NRXN3: variants seen among roughly 807,000 people sequenced by gnomAD.
NRXN3 encodes the protein neurexin III.
Under a neutral mutation model 137.6 loss-of-function variants are expected in NRXN3, and 32 were observed. The observed-to-expected ratio is 0.23, with a 90% CI of 0.18 to 0.31. NRXN3 has a LOEUF of 0.31. Ranked by LOEUF, NRXN3 falls within the 10% of genes least tolerant of loss-of-function variation. The pLI is 1.00. For missense variants in NRXN3, 1,574 were observed against 2,062.5 expected (o/e 0.76, Z 4.59); for synonymous variants, 798 against 784.5 (o/e 1.02, Z -0.29).
intron 10 of NRXN3, among the ~76,000 whole-genome samples, chr14:78,918,010 G>A (rs930746034): frequency 2.1e-5 from 3 of 144,422 alleles, no homozygotes; most frequent in Non-Finnish European, 4.6e-5. Context: ...AAAAGGCCAG[G>A]CATGGTAGCT....
chr14:79,208,482 C>G (rs1212098900), intron 15 of NRXN3, among the ~76,000 whole-genome samples: 1 of 152,144 alleles, frequency 6.6e-6, no homozygotes, highest in African/African-American at 2.4e-5. Flanking sequence ...CTTCTTTTAG[C>G]AAAGAATATT....
chr14:78,196,129 C>G (rs938221340), intron 1 of NRXN3, among the ~76,000 whole-genome samples: 1 of 152,232 alleles, frequency 6.6e-6, no homozygotes, highest in Non-Finnish European at 1.5e-5. Flanking sequence ...CCCACGTCAC[C>G]CAGCCAGAAA....
intron 15 of NRXN3, among the ~76,000 whole-genome samples, chr14:79,324,830 G>A (rs1353769505): frequency 6.6e-6 from 1 of 152,096 alleles, no homozygotes; most frequent in Non-Finnish European, 1.5e-5. Flanking sequence ...GTATGTGTGT[G>A]TATATATGTA....
chr14:79,280,016 C>T (rs1394924923), intron 15 of NRXN3: 1 of 1,232,654 alleles, frequency 8.1e-7, no homozygotes, highest in Non-Finnish European at 1.0e-6. Flanking sequence ...GCCGGGGCTC[C>T]GTAGGAGGTT....
chr14:78,378,584 A>G (rs1455251868), intron 4 of NRXN3, among the ~76,000 whole-genome samples: 3 of 152,206 alleles, frequency 2.0e-5, no homozygotes, highest in Non-Finnish European at 4.4e-5. Context: ...AAAGACAGTT[A>G]TGTAGCTAAA....
intron 4 of NRXN3, among the ~76,000 whole-genome samples, chr14:78,390,944 C>T (rs1369428889): frequency 6.6e-6 from 1 of 152,128 alleles, no homozygotes; most frequent in Non-Finnish European, 1.5e-5. Flanking sequence ...ACCTCCATCC[C>T]CCGACAGGCC....
intron 4 of NRXN3, among the ~76,000 whole-genome samples, chr14:78,614,538 A>G (rs77727402): frequency 0.012 from 1,796 of 152,098 alleles, 49 homozygotes; most frequent in African/African-American, 0.041. Flanking sequence ...AGCATGCAAC[A>G]CATTGTAGAA....
At chr14:78,506,643 GTTTTT>G (rs71131653) in intron 4 of NRXN3, among the ~76,000 whole-genome samples, 147 of 105,368 alleles carry the variant, frequency 1.4e-3, no homozygotes, top group Non-Finnish European at 2.4e-3. Context: ...TCTCATTGTA[GTTTTT>G]TTTTTTTTTT....
chr14:78,559,285 C>G (rs1313563255), intron 4 of NRXN3, among the ~76,000 whole-genome samples: 1 of 152,152 alleles, frequency 6.6e-6, no homozygotes, highest in Non-Finnish European at 1.5e-5. Flanking sequence ...TGCTGTATAT[C>G]TTAATGCATT....
At chr14:78,370,334 T>C (rs561829573) in intron 4 of NRXN3, among the ~76,000 whole-genome samples, 189 of 151,568 alleles carry the variant, frequency 1.2e-3, no homozygotes, top group African/African-American at 4.1e-3. Flanking sequence ...TTTTGAGTGC[T>C]GCATACTGTT....
At chr14:78,577,830 TA>T (rs2096952406) in intron 4 of NRXN3, among the ~76,000 whole-genome samples, 1 of 152,212 alleles carries the variant, frequency 6.6e-6, no homozygotes, top group Admixed American at 6.5e-5. Context: ...TGAAACTGAC[TA>T]ATGCCCAGTT....
At chr14:78,781,892 C>T (rs914534962) in intron 8 of NRXN3, among the ~76,000 whole-genome samples, 1 of 152,284 alleles carries the variant, frequency 6.6e-6, no homozygotes, top group African/African-American at 2.4e-5. Flanking sequence ...CCTTCTCACA[C>T]GAAGAGAAAA....
At position 79,244,381 on chromosome 14, in the gene NRXN3, T is replaced by TA. The variant is rs374011367; in HGVS notation, c.3263-222833dup. Among the ~76,000 whole-genome samples, 486 of 152,252 alleles carry TA rather than the reference T, an allele frequency of 3.2e-3. 2 individuals carry two copies. Among genetic ancestry groups the TA allele is most frequent in the African/African-American group, 0.011 (457 of 41,552 alleles). ...TTCTTTTACATTCTGGACACACACA[T>TA]AAAAAAACTTTTCTATCATTAACCT... is the stretch of plus-strand genomic sequence containing the variant. On this transcript the variant is annotated intron_variant, in intron 15 of 20. Coordinates refer to ENST00000335750, the MANE Select transcript of NRXN3 (RefSeq NM_001330195.2).
chr14:79,796,444 C>T (rs1455009323), intron 19 of NRXN3, among the ~76,000 whole-genome samples: 1 of 152,134 alleles, frequency 6.6e-6, no homozygotes, highest in Non-Finnish European at 1.5e-5. Context: ...TTTCCACCCA[C>T]TCTCTTCTCC....
intron 6 of NRXN3, among the ~76,000 whole-genome samples, chr14:78,699,631 T>C (rs1169896961): frequency 6.6e-6 from 1 of 152,202 alleles, no homozygotes; most frequent in African/African-American, 2.4e-5. Flanking sequence ...TCTACTCTAA[T>C]AGTTACCTTT....
chr14:78,239,367 T>C (rs2066775404), intron 1 of NRXN3, among the ~76,000 whole-genome samples: 1 of 152,228 alleles, frequency 6.6e-6, no homozygotes, highest in Non-Finnish European at 1.5e-5. Flanking sequence ...GATCCAGTAG[T>C]GCCTGGAATG....
At chr14:79,375,671 A>G (rs2094252426) in intron 15 of NRXN3, among the ~76,000 whole-genome samples, 2 of 152,070 alleles carry the variant, frequency 1.3e-5, no homozygotes, top group Non-Finnish European at 1.5e-5. Context: ...TTAAGATTAG[A>G]TTAGTTTTCA....
chr14:78,996,623 C>A lies in NRXN3; in HGVS notation c.3262+8482C>A, dbSNP rs187150224. On this transcript the variant is annotated intron_variant, in intron 15 of 20. Coordinates refer to ENST00000335750, the MANE Select transcript of NRXN3 (RefSeq NM_001330195.2). Reference sequence around the variant, plus strand: ...TTAAATGAGGGCATTTAAAGTAGGACTGATTTGCTCGGGGAACAAGATCAG... The same window carrying A: ...TTAAATGAGGGCATTTAAAGTAGGAATGATTTGCTCGGGGAACAAGATCAG... 2.2e-4 allele frequency among the ~76,000 whole-genome samples: 33 copies of A among 152,202 alleles called. 1 individual carries two copies. The East Asian group carries it at 6.0e-3, about 28-fold the overall frequency.
At chr14:79,151,050 C>G (rs1473366872) in intron 15 of NRXN3, among the ~76,000 whole-genome samples, 1 of 151,984 alleles carries the variant, frequency 6.6e-6, no homozygotes, top group Non-Finnish European at 1.5e-5. Flanking sequence ...TGATCAGGCT[C>G]TGAAAGAATT....
Sources: gnomAD v4.1 joint callset for allele counts (sites outside exome capture counted in the v4.1 genomes callset) on GRCh38, gnomAD v4.1.1 for gene constraint, MANE v1.5 for transcripts, NCBI Gene and HGNC (gene_info 2026-07-23, HGNC 2026-07-21) for gene names.